Variants in NUP85 observed in about 807,000 individuals in gnomAD.
NUP85 encodes the protein nuclear pore complex protein Nup85.
NUP85 carries 23 observed loss-of-function variants against 92.8 expected under a neutral mutation model. The ratio of observed to expected loss-of-function variants is 0.25; its 90% CI spans 0.18 to 0.35. The LOEUF is 0.35. Among genes scored for constraint, NUP85 ranks in the 10% least tolerant of loss-of-function variants. NUP85 has a pLI of 1.00. For missense variants in NUP85, 759 were observed against 822.8 expected, an observed-to-expected ratio of 0.92 and a Z score of 0.95; for synonymous variants, 314 against 306.9, an observed-to-expected ratio of 1.02 and a Z score of -0.24.
chr17:75,235,577 G>A lies in NUP85; in HGVS notation c.1870-1G>A. 1 of 1,611,894 alleles carries A rather than the reference G, an allele frequency of 6.2e-7. No individual in the cohort carries two copies. Among genetic ancestry groups the A allele is most frequent in the Non-Finnish European group, 8.5e-7 (1 of 1,177,962 alleles). Reference sequence around the variant, plus strand: ...TCATGCTGGCGCTCTCTGCTTTGCAGGATGATGACATAGAGACCACCAAGG... The same window carrying A: ...TCATGCTGGCGCTCTCTGCTTTGCAAGATGATGACATAGAGACCACCAAGG... On this transcript the variant is annotated splice_acceptor_variant, in intron 18 of 18. Transcript: ENST00000245544. LOFTEE classifies it high-confidence loss of function.
rs563354357 is a variant in NUP85, at chr17:75,234,786, C to G, written c.1765C>G (p.Gln589Glu). Residue 589 changes from glutamine (Q) to glutamate (E), a missense_variant and splice_region_variant, in exon 17 of 19, where the codon CAG becomes GAG. Transcript: ENST00000245544. ...CGCCTTGCCCCTTTTGGAACAGAAA[C>G]AGGTGAAGGTTGCAGCAGCAGTGGT... is the stretch of plus-strand genomic sequence containing the variant. ...TDALPLLEQKQVIFSAEQTYE... is the reference protein window; with the variant it reads ...TDALPLLEQKEVIFSAEQTYE... 104 of 1,614,152 alleles carry G rather than the reference C, an allele frequency of 6.4e-5. 2 individuals are homozygous for G. In the South Asian group the frequency reaches 1.0e-3, roughly 16 times the overall value.
rs1485284736 is a variant in NUP85 at position 75,211,994 on chromosome 17, T to G, written c.293T>G (p.Leu98Trp). Residue 98 changes from leucine to tryptophan, a missense_variant and splice_region_variant, in exon 4 of 19, where the codon TTG (leucine) becomes TGG (tryptophan). Leu to Trp is a moderately conservative substitution (Grantham distance 61). Transcript: ENST00000245544. ...GTGTGTTATTTCATTTTTTGTAGATTGGTTCGAGTGAGTAAAAACTACCGA... is the reference window on the plus strand; with the variant it reads ...GTGTGTTATTTCATTTTTTGTAGATGGGTTCGAGTGAGTAAAAACTACCGA... ...ELTGKSRKSQ[L>W]VRVSKNYRSV... 1 of 1,612,090 alleles carries G rather than the reference T, an allele frequency of 6.2e-7. No individual in the cohort carries two copies. The highest frequency in any genetic ancestry group is 1.3e-5 in the African/African-American group (1 of 74,868).
intron 7 of NUP85, among the ~76,000 whole-genome samples, chr17:75,221,530 C>G (rs947933526): frequency 1.3e-5 from 2 of 152,136 alleles, no homozygotes; most frequent in Non-Finnish European, 2.9e-5. Flanking sequence ...GCCACTGTGC[C>G]CGGTCACTAG....
At chr17:75,213,940 C>T (rs1310221214) in intron 5 of NUP85, among the ~76,000 whole-genome samples, 2 of 146,070 alleles carry the variant, frequency 1.4e-5, no homozygotes, top group African/African-American at 2.5e-5. Context: ...GGCGCGATCT[C>T]GGCTCACTGC....
chr17:75,206,403 C>T (rs1441865146), intron 1 of NUP85, among the ~76,000 whole-genome samples: 1 of 151,890 alleles, frequency 6.6e-6, no homozygotes, highest in Non-Finnish European at 1.5e-5. Flanking sequence ...CAGGTCTCAA[C>T]CGATAAAGGT....
At chr17:75,232,447 T>C (rs1169205644) in intron 14 of NUP85, among the ~76,000 whole-genome samples, 1 of 152,180 alleles carries the variant, frequency 6.6e-6, no homozygotes, top group Admixed American at 6.5e-5. Flanking sequence ...AGAGAGGCAG[T>C]TGCATGTTCA....
chr17:75,226,120 T>C lies in NUP85; in HGVS notation c.1057T>C (p.Phe353Leu). ...EPLDNILLAA[F>L]EFDIHQVIKE... The stretch of plus-strand genomic sequence containing the variant: ...CCTGGACAACATCTTGTTGGCAGCC[T>C]TTGAGTTTGACATCCATCAAGTAAT... The change falls in exon 11 of 19, where the codon TTT becomes CTT. Residue 353 changes from phenylalanine to leucine, a missense_variant. Physicochemically the swap from Phe to Leu is conservative, Grantham distance 22. Coordinates refer to ENST00000245544, the MANE Select transcript of NUP85 (RefSeq NM_024844.5). The C allele has an allele frequency of 1.2e-6, 2 of 1,614,086 alleles. No individual in the cohort carries two copies. Among genetic ancestry groups the C allele is most frequent in the South Asian group, 2.2e-5 (2 of 91,080 alleles).
intron 16 of NUP85, among the ~76,000 whole-genome samples, chr17:75,233,954 G>A (rs892006341): frequency 3.3e-4 from 50 of 150,570 alleles, no homozygotes; most frequent in Non-Finnish European, 6.7e-4. Flanking sequence ...GGCTGGTCTG[G>A]AACTCCTGAC....
chr17:75,234,899 C>CTAAGGGGAATACACGCGCACAG, intron 17 of NUP85, 111 bp downstream of exon 17: 1 of 1,344,902 alleles, frequency 7.4e-7, no homozygotes, highest in Non-Finnish European at 1.1e-6. Context: ...TGCCTGTGCG[C>CTAAGGGGAATACACGCGCACAG]GTGTATTCCC....
At chr17:75,205,914 C>A (rs1288559733) in intron 1 of NUP85, 120 bp downstream of exon 1, 10 of 1,160,034 alleles carry the variant, frequency 8.6e-6, no homozygotes, top group Admixed American at 2.0e-5. Flanking sequence ...TCCCTCGACT[C>A]AGTTGCCACT....
intron 7 of NUP85, among the ~76,000 whole-genome samples, chr17:75,224,705 G>T (rs534753168): frequency 6.6e-6 from 1 of 151,888 alleles, no homozygotes; most frequent in Non-Finnish European, 1.5e-5. Flanking sequence ...GATGGCATGC[G>T]CCTGTAATCT....
intron 16 of NUP85, among the ~76,000 whole-genome samples, chr17:75,234,052 C>CTT (rs10716628): frequency 8.6e-4 from 102 of 118,032 alleles, no homozygotes; most frequent in Admixed American, 1.0e-3. Flanking sequence ...CATGTTTCTT[C>CTT]TTTTTTTTTT....
chr17:75,234,617 G>C lies in NUP85; in HGVS notation c.1616-20G>C. 1 of 1,613,448 alleles carries C rather than the reference G, an allele frequency of 6.2e-7. No individual in the cohort carries two copies. The highest frequency in any genetic ancestry group is 8.5e-7 in the Non-Finnish European group (1 of 1,179,376). On this transcript the variant is annotated intron_variant, in intron 16 of 18. Transcript: ENST00000245544. ...TTTGGGGGAATATGCAGGTTACTCAGTGCTCTTGTTTCGCCATAGGAAAGT... is the reference window on the plus strand; with the variant it reads ...TTTGGGGGAATATGCAGGTTACTCACTGCTCTTGTTTCGCCATAGGAAAGT...
At chr17:75,211,675 G>A (rs55896851) in intron 3 of NUP85, among the ~76,000 whole-genome samples, 4,451 of 152,228 alleles carry the variant, frequency 0.029, 102 homozygotes, top group Non-Finnish European at 0.044. Flanking sequence ...GGGATTACAC[G>A]CCTGAGCCAC....
intron 5 of NUP85, among the ~76,000 whole-genome samples, chr17:75,213,933 G>A (rs560079420): frequency 6.0e-4 from 90 of 149,272 alleles, no homozygotes; most frequent in Non-Finnish European, 9.9e-4. Context: ...ATGCAGTGGC[G>A]CGATCTCGGC....
rs201332731 is a variant in NUP85 at position 75,223,959 on chromosome 17, G to A, written c.598-1144G>A. On this transcript the variant is annotated intron_variant, in intron 7 of 18. Coordinates refer to ENST00000245544, the MANE Select transcript of NUP85 (RefSeq NM_024844.5). ...TCTTACGTGTAGACTCATCTCATGT[G>A]TAATTCCTGGCAGACCCAGCTTGGT... 1.2e-4 allele frequency among the ~76,000 whole-genome samples: 18 copies of A among 152,254 alleles called. No homozygotes were observed. In the East Asian group the frequency reaches 3.3e-3, roughly 28 times the overall value.
chr17:75,212,112 G>C (rs2075282509), intron 4 of NUP85, 50 bp downstream of exon 4: 1 of 1,191,294 alleles, frequency 8.4e-7, no homozygotes, highest in Non-Finnish European at 1.2e-6. Flanking sequence ...GTGTGTGTGG[G>C]TATTTTGAGT....
At position 75,231,068 on chromosome 17, in the gene NUP85, A is replaced by G. The variant is rs575388973; in HGVS notation, c.1095-272A>G. 3 of 409,320 alleles carry G rather than the reference A, an allele frequency of 7.3e-6. No individual in the cohort carries two copies. The highest frequency in any genetic ancestry group is 6.1e-5 in the African/African-American group (3 of 48,966). 25.4% of individuals were successfully genotyped at this position (409,320 alleles called of 1,614,324 possible). A position where few individuals can be genotyped will look rare whatever the true frequency, so the allele number is the denominator to read the frequency against. On this transcript the variant is annotated intron_variant, in intron 11 of 18. Transcript: ENST00000245544. This position sits in a 1 kb window ranked among gnomAD's most constrained non-coding sequence, Gnocchi z 4.6. ...CACCCCAGCTTCTCGAGTAGCTGGG[A>G]TTACAGGTGTGTGCCACCATGCCTG... is the stretch of plus-strand genomic sequence containing the variant.
At chr17:75,228,787 T>C (rs1023550212) in intron 11 of NUP85, 1 of 985,266 alleles carries the variant, frequency 1.0e-6, no homozygotes, top group African/African-American at 1.7e-5. Flanking sequence ...GGCCCCTGAT[T>C]TACTCCTATG....
Sources: gnomAD v4.1 joint callset for allele counts (sites outside exome capture counted in the v4.1 genomes callset) on GRCh38, gnomAD v4.1.1 for gene constraint, Gnocchi (gnomAD v3.1) non-coding constraint, MANE v1.5 for transcripts, NCBI Gene and HGNC (gene_info 2026-07-23, HGNC 2026-07-21) for gene names.